The following PCDHA1 variants were observed in gnomAD, a reference collection of about 807,000 sequenced individuals.
The protein encoded by PCDHA1 is protocadherin alpha 1.
Under a neutral mutation model 61.3 loss-of-function variants are expected in PCDHA1, and 42 were observed. The observed-to-expected ratio is 0.69, with a 90% CI of 0.54 to 0.89. The LOEUF (loss-of-function observed/expected upper bound fraction) is 0.89, where lower values mean the gene tolerates loss of function less well. PCDHA1 is among the 40% of genes least tolerant of loss of function. The probability of loss-of-function intolerance (pLI) is 0.00; values close to 1 mark genes in which losing one functional copy is unlikely to be tolerated. For synonymous variants in PCDHA1, 610 were observed against 553.8 expected (o/e 1.10, Z -1.43); for missense variants, 1,256 against 1,235.3 (o/e 1.02, Z -0.25).
At chr5:140,824,610 G>GTGTTTTTTTTT (rs1768191919) in intron 1 of PCDHA1, 1 of 95,104 alleles carries the variant, frequency 1.1e-5, no homozygotes, top group African/African-American at 4.9e-5. Context: ...GCTAATTAAA[G>GTGTTTTTTTTT]TTTTTTTTTT....
At chr5:140,929,316 C>G in intron 1 of PCDHA1, 1 of 1,556,954 alleles carries the variant, frequency 6.4e-7, no homozygotes, top group Non-Finnish European at 8.7e-7. Flanking sequence ...ACGCTAATGT[C>G]AATGCCATGG....
At chr5:140,980,437 C>G (rs1586844281) in intron 2 of PCDHA1, among the ~76,000 whole-genome samples, 1 of 152,156 alleles carries the variant, frequency 6.6e-6, no homozygotes, top group Admixed American at 6.5e-5. Flanking sequence ...CGAGACCATC[C>G]TGGACAACAC....
chr5:140,924,915 AT>A (rs1554202358), intron 1 of PCDHA1, among the ~76,000 whole-genome samples: 19 of 127,348 alleles, frequency 1.5e-4, no homozygotes, highest in African/African-American at 5.1e-4. Context: ...ATAAAATAAA[AT>A]AAAATAAAAT....
chr5:140,821,985 C>T (rs2150112598), intron 1 of PCDHA1: 1 of 1,614,156 alleles, frequency 6.2e-7, no homozygotes, highest in Non-Finnish European at 8.5e-7. Flanking sequence ...CCAAGGGCCG[C>T]GGGGACCTTC....
intron 1 of PCDHA1, among the ~76,000 whole-genome samples, chr5:140,903,632 C>T (rs1554191062): frequency 6.6e-6 from 1 of 152,134 alleles, no homozygotes. Context: ...CATATGTATG[C>T]ATATACCATA....
In PCDHA1 at chr5:140,852,860, T is replaced by C. The variant is rs2150523334; in HGVS notation, c.2394+64176T>C. On this transcript the variant is annotated intron_variant, in intron 1 of 3. Transcript: ENST00000504120. ...GAGCTAGTACTTACTAAGCATTTAC[T>C]ATGTCATCAATAATCATAAAACGTA... is the stretch of plus-strand genomic sequence containing the variant. 26 of 961,500 alleles carry C rather than the reference T, an allele frequency of 2.7e-5. 2 individuals are homozygous for C. Among genetic ancestry groups the C allele is most frequent in the Admixed American group, 1.9e-4 (3 of 15,764 alleles). 59.6% of individuals were successfully genotyped at this position (961,500 alleles called of 1,614,324 possible).
chr5:140,877,121 C>A, intron 1 of PCDHA1: 1 of 1,613,694 alleles, frequency 6.2e-7, no homozygotes, highest in African/African-American at 1.3e-5. Flanking sequence ...AGCAACGTGA[C>A]GCTGCAGGTG....
At chr5:140,797,001 G>C (rs376318697) in intron 1 of PCDHA1, 13 of 1,613,708 alleles carry the variant, frequency 8.1e-6, no homozygotes, top group Middle Eastern at 1.6e-4. Context: ...CCAAGGCCTC[G>C]TCGCGGGCGT....
chr5:141,001,749 T>C (rs1554258292), intron 3 of PCDHA1, among the ~76,000 whole-genome samples: 1 of 152,090 alleles, frequency 6.6e-6, no homozygotes, highest in African/African-American at 2.4e-5. Flanking sequence ...GCTGTTTCAG[T>C]GGTTGATGGC....
intron 1 of PCDHA1, chr5:140,849,218 G>T: frequency 9.6e-7 from 1 of 1,040,734 alleles, no homozygotes; most frequent in South Asian, 1.6e-5. Context: ...ATGCCCCAGT[G>T]TTCGACAGAA....
chr5:140,863,054 C>G (rs782230068), intron 1 of PCDHA1: 4 of 563,138 alleles, frequency 7.1e-6, no homozygotes, highest in Non-Finnish European at 1.4e-5. Flanking sequence ...TGGCAGCACC[C>G]GTTCCACGTG....
intron 1 of PCDHA1, chr5:140,823,745 C>A (rs782470144): frequency 1.2e-6 from 2 of 1,613,836 alleles, no homozygotes; most frequent in African/African-American, 1.3e-5. Context: ...GGAGAGCCCC[C>A]GCTGACAGCC....
intron 1 of PCDHA1, among the ~76,000 whole-genome samples, chr5:140,892,977 G>A (rs188368199): frequency 1.8e-4 from 27 of 152,270 alleles, no homozygotes; most frequent in Admixed American, 6.5e-4. Flanking sequence ...TTTTGTAGCT[G>A]CCGTATAAGT....
chr5:140,857,442 A>G (rs1554150038), intron 1 of PCDHA1: 1 of 1,598,266 alleles, frequency 6.3e-7, no homozygotes, highest in African/African-American at 1.3e-5. Flanking sequence ...TTCGTGAAGG[A>G]GAACAACCCG....
intron 1 of PCDHA1, among the ~76,000 whole-genome samples, chr5:140,940,564 T>C (rs1481591678): frequency 2.0e-5 from 3 of 152,228 alleles, no homozygotes; most frequent in Non-Finnish European, 4.4e-5. Flanking sequence ...TTCTCCTACC[T>C]TGGCTCCCAA....
At chr5:140,956,281 G>A (rs551518322) in intron 1 of PCDHA1, among the ~76,000 whole-genome samples, 14 of 152,008 alleles carry the variant, frequency 9.2e-5, no homozygotes, top group Admixed American at 2.0e-4. Flanking sequence ...ATTGGCTGTG[G>A]GTTTATCATA....
intron 3 of PCDHA1, among the ~76,000 whole-genome samples, chr5:140,995,391 G>A (rs2097681152): frequency 1.3e-5 from 2 of 152,170 alleles, no homozygotes; most frequent in African/African-American, 2.4e-5. Context: ...AGGATAAAGC[G>A]GGATGGCTCG....
intron 1 of PCDHA1, chr5:140,807,551 G>C (rs1209745292): frequency 3.7e-6 from 6 of 1,614,086 alleles, no homozygotes; most frequent in Non-Finnish European, 5.1e-6. Context: ...TGTGGACGTG[G>C]AGGTGAGGGA....
rs1554117986 is a variant in PCDHA1 at position 140,787,796 on chromosome 5, C to A, written c.1506C>A (p.Arg502=). The part of the protein sequence containing the change: ...YSLVERRVGE[R]ALSNYVSVHA... ...TGGTGGAACGGCGGGTGGGCGAGCG[C>A]GCGCTGTCGAACTACGTGTCAGTGC... is the stretch of plus-strand genomic sequence containing the variant. Residue 502 remains arginine, a synonymous_variant, in exon 1 of 4, where the codon CGC becomes CGA. Coordinates refer to ENST00000504120, the MANE Select transcript of PCDHA1 (RefSeq NM_018900.4). 3.7e-6 allele frequency: 6 copies of A among 1,612,416 alleles called. No homozygotes were observed. The East Asian group carries it at 1.1e-4, about 30-fold the overall frequency.
Sources: allele counts gnomAD v4.1 joint callset (sites outside exome capture counted in the v4.1 genomes callset), GRCh38; gene constraint gnomAD v4.1.1; transcripts MANE v1.5; gene names NCBI Gene and HGNC (gene_info 2026-07-23, HGNC 2026-07-21).